SGK3: variants seen among roughly 807,000 people sequenced by gnomAD.
The protein encoded by SGK3 is serum/glucocorticoid regulated kinase family member 3.
A neutral mutation model predicts 68.5 loss-of-function variants in SGK3; 47 were observed. The ratio of observed to expected loss-of-function variants is 0.69; its 90% CI spans 0.54 to 0.87. The LOEUF (loss-of-function observed/expected upper bound fraction) is 0.87, where lower values mean the gene tolerates loss of function less well. Among genes scored for constraint, SGK3 ranks in the 40% least tolerant of loss-of-function variants. SGK3 has a pLI of 0.00. For missense variants in SGK3, 479 were observed against 575.5 expected (o/e 0.83, Z 1.72); for synonymous variants, 181 against 189.1 (o/e 0.96, Z 0.35).
chr8:66,847,476 C>T (rs1585809007), intron 15 of SGK3, 128 bp downstream of exon 15: 2 of 1,381,538 alleles, frequency 1.4e-6, no homozygotes, highest in East Asian at 5.1e-5. Flanking sequence ...GGAAAAAAAG[C>T]ATACTTGTCT....
Position 66,833,764 on chromosome 8 carries a change from T to G in SGK3, c.526-1999T>G, listed in dbSNP as rs141523531. 2.8e-3 allele frequency among the ~76,000 whole-genome samples: 434 copies of G among 152,398 alleles called. 3 individuals are homozygous for G. The highest frequency in any genetic ancestry group is 0.01 in the African/African-American group (423 of 41,602). ...TGGAGTGCGGTGGCGCAATCTCGGC[T>G]CACTGCAACCTCTGCCTCCTGGGTT... is the stretch of plus-strand genomic sequence containing the variant. On this transcript the variant is annotated intron_variant, in intron 8 of 16. Coordinates refer to ENST00000521198, the MANE Select transcript of SGK3 (RefSeq NM_001033578.3).
chr8:66,732,470 A>C (rs982057842), intron 1 of SGK3, among the ~76,000 whole-genome samples: 14 of 151,482 alleles, frequency 9.2e-5, no homozygotes, highest in Non-Finnish European at 1.9e-4. Flanking sequence ...CCTGGGTGAC[A>C]GTACGAGACT....
intron 1 of SGK3, among the ~76,000 whole-genome samples, chr8:66,764,566 G>A (rs1047776005): frequency 1.3e-5 from 2 of 152,020 alleles, no homozygotes; most frequent in South Asian, 4.2e-4. Flanking sequence ...AACCTCCTGG[G>A]TTCAGGTGAT....
rs578178253 is a variant in SGK3 at position 66,850,955 on chromosome 8, G to A, written c.1320+35G>A. Reference sequence around the variant, plus strand: ...TATCCAAATCTTTCTTTCTAGAATCGTGAAACTTAATAGCAGTTCATTGTA... The same window carrying A: ...TATCCAAATCTTTCTTTCTAGAATCATGAAACTTAATAGCAGTTCATTGTA... On this transcript the variant is annotated intron_variant, in intron 16 of 16. Coordinates refer to ENST00000521198, the MANE Select transcript of SGK3 (RefSeq NM_001033578.3). 615 of 1,562,818 alleles carry A rather than the reference G, an allele frequency of 3.9e-4. 3 individuals are homozygous for A. In the South Asian group the frequency reaches 7.0e-3, roughly 18 times the overall value.
chr8:66,733,926 C>A (rs1805238917), intron 1 of SGK3, among the ~76,000 whole-genome samples: 1 of 152,172 alleles, frequency 6.6e-6, no homozygotes, highest in South Asian at 2.1e-4. Context: ...AAGAATTATT[C>A]TACATGAACC....
intron 1 of SGK3, among the ~76,000 whole-genome samples, chr8:66,772,056 G>A (rs1171868023): frequency 1.8e-5 from 1 of 56,882 alleles, no homozygotes; most frequent in Non-Finnish European, 3.6e-5. Flanking sequence ...AATTATGGAT[G>A]AATCTATAAT....
intron 12 of SGK3, 116 bp from the exon 13 acceptor site, chr8:66,840,908 C>T: frequency 4.7e-6 from 3 of 638,438 alleles, no homozygotes; most frequent in Non-Finnish European, 7.1e-6. Context: ...CACCACTGCA[C>T]TCCAGCCTGG....
chr8:66,767,456 T>C (rs1806353260), intron 1 of SGK3: 1 of 1,425,526 alleles, frequency 7.0e-7, no homozygotes, highest in Non-Finnish European at 9.9e-7. Flanking sequence ...AACAGAATGC[T>C]TAAAGGAGAC....
chr8:66,741,788 G>A (rs1805487507), intron 1 of SGK3, among the ~76,000 whole-genome samples: 2 of 152,230 alleles, frequency 1.3e-5, no homozygotes, highest in Non-Finnish European at 2.9e-5. Context: ...TATTTATTGA[G>A]TGTCCCCCAA....
intron 1 of SGK3, among the ~76,000 whole-genome samples, chr8:66,747,766 G>C (rs187793754): frequency 1.1e-3 from 166 of 152,118 alleles, no homozygotes; most frequent in African/African-American, 3.7e-3. Flanking sequence ...TTATGCTGCC[G>C]TTTTGTACCA....
At chr8:66,760,330 C>CA (rs1476397853) in intron 1 of SGK3, among the ~76,000 whole-genome samples, 15 of 115,646 alleles carry the variant, frequency 1.3e-4, no homozygotes, top group Non-Finnish European at 2.7e-4. Context: ...TTTCTTTTTT[C>CA]TTTTTTTTTT....
At chr8:66,853,318 G>A (rs537404193) in intron 16 of SGK3, among the ~76,000 whole-genome samples, 3 of 152,132 alleles carry the variant, frequency 2.0e-5, no homozygotes, top group African/African-American at 7.2e-5. Flanking sequence ...TCAGTGTTGT[G>A]GAATTAAAAT....
chr8:66,728,917 T>TAAA (rs879295820), intron 1 of SGK3, among the ~76,000 whole-genome samples: 4 of 139,812 alleles, frequency 2.9e-5, no homozygotes, highest in African/African-American at 1.0e-4. Flanking sequence ...CTCTGCCTCT[T>TAAA]AAAAAAAAAA....
chr8:66,717,563 A>G (rs937132059), intron 1 of SGK3, among the ~76,000 whole-genome samples: 27 of 152,130 alleles, frequency 1.8e-4, no homozygotes, highest in Admixed American at 1.8e-3. Flanking sequence ...TTCATATGTA[A>G]TATATTCATA....
chr8:66,721,615 C>A (rs1804795853), intron 1 of SGK3, among the ~76,000 whole-genome samples: 1 of 152,124 alleles, frequency 6.6e-6, no homozygotes, highest in Non-Finnish European at 1.5e-5. Context: ...CCACACCCAC[C>A]TCCTCTTCTC....
At chr8:66,837,093 A>G (rs1471223993) in intron 10 of SGK3, among the ~76,000 whole-genome samples, 1 of 152,178 alleles carries the variant, frequency 6.6e-6, no homozygotes, top group Admixed American at 6.5e-5. Context: ...AACAATCTAT[A>G]GTAAGACTGA....
At chr8:66,830,217 T>C (rs559276224) in intron 7 of SGK3, among the ~76,000 whole-genome samples, 1 of 152,266 alleles carries the variant, frequency 6.6e-6, no homozygotes, top group Non-Finnish European at 1.5e-5. Context: ...AGGCTTGGAG[T>C]ATGGCCTCAG....
chr8:66,835,658 C>A, intron 8 of SGK3, 105 bp from the exon 9 acceptor site: 1 of 1,276,030 alleles, frequency 7.8e-7, no homozygotes, highest in Non-Finnish European at 1.1e-6. Flanking sequence ...CCCTTATGGA[C>A]TTTCTTTTTA....
At chr8:66,770,189 C>T (rs1335707027) in intron 1 of SGK3, among the ~76,000 whole-genome samples, 4 of 151,106 alleles carry the variant, frequency 2.6e-5, no homozygotes, top group East Asian at 2.0e-4. Flanking sequence ...CTCGTGACCT[C>T]GTGATCCGCC....
Sources: allele counts gnomAD v4.1 joint callset (sites outside exome capture counted in the v4.1 genomes callset), GRCh38; gene constraint gnomAD v4.1.1; transcripts MANE v1.5; gene names NCBI Gene and HGNC (gene_info 2026-07-23, HGNC 2026-07-21).